Variants in PCDHA9 observed in about 807,000 individuals in gnomAD.
PCDHA9 encodes the protein protocadherin alpha 9, also known as protocadherin alpha-9.
A neutral mutation model predicts 62.0 loss-of-function variants in PCDHA9; 62 were observed. The ratio of observed to expected loss-of-function variants is 1.00; its 90% CI spans 0.81 to 1.23. The LOEUF (loss-of-function observed/expected upper bound fraction) is 1.23, where lower values mean the gene tolerates loss of function less well. Ranked by LOEUF, PCDHA9 falls within the 50% of genes most tolerant of loss-of-function variation. The pLI is 0.00. For synonymous variants in PCDHA9, 557 were observed against 567.6 expected (o/e 0.98, Z 0.27); for missense variants, 1,205 against 1,249.8 (o/e 0.96, Z 0.54).
chr5:141,003,453 A>T (rs2098125483), intron 3 of PCDHA9, among the ~76,000 whole-genome samples: 1 of 152,126 alleles, frequency 6.6e-6, no homozygotes, highest in East Asian at 1.9e-4. Flanking sequence ...ATGAAATTAC[A>T]GGCGTGCACC....
In PCDHA9 at chr5:140,849,138, A is replaced by G. The variant is rs2150253056; in HGVS notation, c.643A>G (p.Thr215Ala). ...GGAGCTTCATTTATTGCTCACGGCC[A>G]CCGATGGAGGCAAACCCGAGCTGAC... ...TPELHLLLTA[T>A]DGGKPELTGT... is the part of the protein sequence containing the mutation. The change falls in exon 1 of 4, where the codon ACC (threonine) becomes GCC (alanine). Residue 215 changes from threonine to alanine, a missense_variant. By Grantham distance (58) the Thr-to-Ala change is moderately conservative. Around this residue, in one of 3 missense-constraint regions of PCDHA9, gnomAD observed 110 missense variants for 227.2 expected, o/e 0.48. Coordinates refer to ENST00000532602, the MANE Select transcript of PCDHA9 (RefSeq NM_031857.2). 1 of 1,337,178 alleles carries G rather than the reference A, an allele frequency of 7.5e-7. No homozygotes were observed. Among genetic ancestry groups the G allele is most frequent in the South Asian group, 1.3e-5 (1 of 76,508 alleles). 82.8% of individuals were successfully genotyped at this position (1,337,178 alleles called of 1,614,324 possible). A position where few individuals can be genotyped will look rare whatever the true frequency, so the allele number is the denominator to read the frequency against.
chr5:140,883,870 G>A, intron 1 of PCDHA9: 1 of 1,613,302 alleles, frequency 6.2e-7, no homozygotes. Flanking sequence ...TGCAGTTCCA[G>A]GTGAGCGCGC....
chr5:140,967,324 G>A, intron 1 of PCDHA9: 4 of 1,609,186 alleles, frequency 2.5e-6, no homozygotes, highest in Non-Finnish European at 3.4e-6. Context: ...AGACCTACGA[G>A]CTCAGCCCCA....
chr5:140,875,261 G>T, intron 1 of PCDHA9: 1 of 1,130,462 alleles, frequency 8.8e-7, no homozygotes, highest in East Asian at 2.7e-5. Flanking sequence ...ACATGATGTC[G>T]CTCTACACTC....
At chr5:140,862,471 C>G in intron 1 of PCDHA9, 3 of 374,584 alleles carry the variant, frequency 8.0e-6, no homozygotes, top group Non-Finnish European at 1.6e-5. Context: ...GAGAGCAAAT[C>G]TATCCATTGT....
intron 1 of PCDHA9, chr5:140,875,879 G>A: frequency 6.2e-7 from 1 of 1,614,214 alleles, no homozygotes. Context: ...TTCAGAGAAA[G>A]GGAACAAAAG....
chr5:140,927,418 C>T (rs1296760547), intron 1 of PCDHA9: 3 of 1,614,106 alleles, frequency 1.9e-6, no homozygotes, highest in Admixed American at 1.7e-5. Flanking sequence ...CATGGGATCG[C>T]GGGTTGACGG....
chr5:140,883,175 A>G lies in PCDHA9; in HGVS notation c.2394+32286A>G, dbSNP rs1554177014. ...CATAAATCCGAACAATGGAGAAATTAGGACAAAAGGCAAACTAGATTTCGA... is the reference window on the plus strand; with the variant it reads ...CATAAATCCGAACAATGGAGAAATTGGGACAAAAGGCAAACTAGATTTCGA... On this transcript the variant is annotated intron_variant, in intron 1 of 3. Coordinates refer to ENST00000532602, the MANE Select transcript of PCDHA9 (RefSeq NM_031857.2). 3 of 1,614,060 alleles carry G rather than the reference A, an allele frequency of 1.9e-6. No individual in the cohort carries two copies. Among genetic ancestry groups the G allele is most frequent in the East Asian group, 4.5e-5 (2 of 44,892 alleles).
intron 1 of PCDHA9, chr5:140,876,137 T>G (rs782331817): frequency 1.2e-6 from 2 of 1,613,916 alleles, no homozygotes; most frequent in Non-Finnish European, 8.5e-7. Context: ...AAACCAGAAC[T>G]AACAGGGTCT....
intron 1 of PCDHA9, among the ~76,000 whole-genome samples, chr5:140,946,305 T>C (rs1484740423): frequency 6.6e-6 from 1 of 151,868 alleles, no homozygotes; most frequent in East Asian, 1.9e-4. Flanking sequence ...CCTGGTAGAA[T>C]GGCTATTATT....
At chr5:140,907,857 G>C (rs1554193158) in intron 1 of PCDHA9, among the ~76,000 whole-genome samples, 1 of 152,210 alleles carries the variant, frequency 6.6e-6, no homozygotes, top group Non-Finnish European at 1.5e-5. Flanking sequence ...CTCTGCTGAG[G>C]CCAGCCGTTG....
rs781892888 is a variant in PCDHA9, at chr5:140,967,565, C to T, written c.2395-11384C>T. Reference sequence around the variant, plus strand: ...CCAGTCCACTTATCGCGTCCAGCTACGGGAGGACTCACCCCCAGGCACATT... The same window carrying T: ...CCAGTCCACTTATCGCGTCCAGCTATGGGAGGACTCACCCCCAGGCACATT... On this transcript the variant is annotated intron_variant, in intron 1 of 3. Transcript: ENST00000532602. The T allele has an allele frequency of 3.1e-6, 5 of 1,614,080 alleles. No individual in the cohort carries two copies. The highest frequency in any genetic ancestry group is 2.7e-5 in the African/African-American group (2 of 75,044).
rs199847007 is a variant in PCDHA9, at chr5:140,883,896, C to A, written c.2394+33007C>A. ...GTGAGCGCGCGCGACTCTGGCGTGC[C>A]GCCTCTGGGCAGCAACGTGACGCTG... On this transcript the variant is annotated intron_variant, in intron 1 of 3. Transcript: ENST00000532602. The A allele has an allele frequency of 3.1e-6, 5 of 1,613,386 alleles. 1 individual carries two copies. In the South Asian group the frequency reaches 4.4e-5, roughly 14 times the overall value.
At chr5:140,983,437 A>C (rs1046174445) in intron 3 of PCDHA9, among the ~76,000 whole-genome samples, 1 of 152,202 alleles carries the variant, frequency 6.6e-6, no homozygotes, top group African/African-American at 2.4e-5. Flanking sequence ...AATTGTGTCT[A>C]CTCTAATCCT....
At chr5:140,862,994 G>T (rs199654880) in intron 1 of PCDHA9, 1 of 549,002 alleles carries the variant, frequency 1.8e-6, no homozygotes. Flanking sequence ...GGTGCGCACG[G>T]TGGACTCCAG....
In PCDHA9 at chr5:140,997,121, A is replaced by G. The variant is rs138556400; in HGVS notation, c.2543-12506A>G. On this transcript the variant is annotated intron_variant, in intron 3 of 3. Transcript: ENST00000532602. ...CTCATGCACTCCTGCTCTCCCACAT[A>G]CACAATGCCCCCACACCCCCGCCAC... 2.1e-4 allele frequency among the ~76,000 whole-genome samples: 32 copies of G among 152,152 alleles called. No individual in the cohort carries two copies. The East Asian group carries it at 5.8e-3, about 28-fold the overall frequency.
chr5:140,972,398 A>G (rs2096535021), intron 1 of PCDHA9, among the ~76,000 whole-genome samples: 1 of 151,358 alleles, frequency 6.6e-6, no homozygotes, highest in Non-Finnish European at 1.5e-5. Flanking sequence ...TTGCTTCACT[A>G]TTGGCAAACC....
Position 141,012,307 on chromosome 5 carries a change from T to G in PCDHA9, c.*2370T>G, listed in dbSNP as rs369179929. ...CATTTTGAATTGGTGCTATTGGTAT[T>G]TCCTCTGTTATTGCTAATAAATGAA... On this transcript the variant is annotated 3_prime_UTR_variant, in exon 4 of 4. Transcript: ENST00000532602. 1 of 153,794 alleles carries G rather than the reference T, an allele frequency of 6.5e-6. No homozygotes were observed. The highest frequency in any genetic ancestry group is 1.5e-5 in the Non-Finnish European group (1 of 68,040). 9.5% of individuals were successfully genotyped at this position (153,794 alleles called of 1,614,324 possible).
chr5:140,875,265 T>C, intron 1 of PCDHA9: 1 of 1,201,060 alleles, frequency 8.3e-7, no homozygotes, highest in Admixed American at 3.0e-5. Flanking sequence ...GATGTCGCTC[T>C]ACACTCAGAA....
Sources: allele counts gnomAD v4.1 joint callset (sites outside exome capture counted in the v4.1 genomes callset), GRCh38; gene constraint gnomAD v4.1.1; regional missense constraint gnomAD v4.1.1; transcripts MANE v1.5; gene names NCBI Gene and HGNC (gene_info 2026-07-23, HGNC 2026-07-21).